TMEM220: variants seen among roughly 807,000 people sequenced by gnomAD.
TMEM220 encodes transmembrane protein 220.
TMEM220 carries 21 observed loss-of-function variants against 21.7 expected under a neutral mutation model. That is an observed-to-expected ratio of 0.97 (90% CI 0.69 to 1.39). The LOEUF is 1.39. TMEM220 is among the 40% of genes most tolerant of loss of function. TMEM220 has a pLI of 0.00. For missense variants in TMEM220, 191 were observed against 201.9 expected (o/e 0.95, Z 0.33); for synonymous variants, 80 against 73.6 (o/e 1.09, Z -0.45).
intron 5 of TMEM220, among the ~76,000 whole-genome samples, chr17:10,720,965 T>C (rs1258803232): frequency 2.6e-5 from 4 of 152,232 alleles, no homozygotes; most frequent in African/African-American, 9.6e-5. Context: ...TAATAAGAAC[T>C]GGTACCTCTG....
rs2074876333 is a variant in TMEM220 at position 10,713,935 on chromosome 17, A to G, written c.*1518T>C. On this transcript the variant is annotated 3_prime_UTR_variant, in exon 6 of 6. Coordinates refer to ENST00000341871, the MANE Select transcript of TMEM220 (RefSeq NM_001004313.3). ...ACTACTCGTTCTTTTTGAGTGAAGT[A>G]TTTCCCAGATCTCTTTCCTAGATCA... 1 of 152,308 alleles carries G rather than the reference A, an allele frequency of 6.6e-6. No homozygotes were observed. The highest frequency in any genetic ancestry group is 2.1e-4 in the South Asian group (1 of 4,830). 9.4% of individuals were successfully genotyped at this position (152,308 alleles called of 1,614,324 possible).
Position 10,715,511 on chromosome 17 carries a change from A to G in TMEM220, c.425T>C (p.Ile142Thr). 5.0e-6 allele frequency: 8 copies of G among 1,606,620 alleles called. No individual in the cohort carries two copies. Among genetic ancestry groups the G allele is most frequent in the Non-Finnish European group, 6.8e-6 (8 of 1,178,340 alleles). Residue 142 changes from isoleucine (I) to threonine (T), a missense_variant, in exon 6 of 6, where the codon ATA becomes ACA. Physicochemically the swap from Ile to Thr is moderately conservative, Grantham distance 89 (BLOSUM62 -1). Transcript: ENST00000341871. ...GGACCGCATTTCCTTGTTAATATAT[A>G]TGTAGACCCATGAGATAAATGGGAA... is the stretch of plus-strand genomic sequence containing the variant. ...TLFPFISWVY[I>T]YINKEMRSSW... is the part of the protein sequence containing the mutation.
rs2074898564 is a variant in TMEM220 at position 10,715,308 on chromosome 17, G to A, written c.*145C>T. On this transcript the variant is annotated 3_prime_UTR_variant, in exon 6 of 6. Transcript: ENST00000341871. ...TACTTGTCCCATCCAATCTTACATC[G>A]AATTATATGCACCCTTAAAAAGTTA... 1.5e-5 allele frequency: 10 copies of A among 665,218 alleles called. No individual in the cohort carries two copies. The highest frequency in any genetic ancestry group is 6.4e-5 in the East Asian group (2 of 31,368). 41.2% of individuals were successfully genotyped at this position (665,218 alleles called of 1,614,324 possible). A position where few individuals can be genotyped will look rare whatever the true frequency, so the allele number is the denominator to read the frequency against.
At chr17:10,728,433 C>CT (rs949607319) in intron 2 of TMEM220, among the ~76,000 whole-genome samples, 1 of 151,752 alleles carries the variant, frequency 6.6e-6, no homozygotes, top group Non-Finnish European at 1.5e-5. Context: ...TTCAGCTTCC[C>CT]TAGTAGCTGG....
chr17:10,712,611 G>C (rs758584919), downstream of TMEM220, among the ~76,000 whole-genome samples: 20 of 152,188 alleles, frequency 1.3e-4, no homozygotes, highest in Admixed American at 4.6e-4. Context: ...ATTTAATTTT[G>C]TTCGAAGGGA....
At chr17:10,723,405 C>G (rs1273824658) in intron 4 of TMEM220, 76 bp from the exon 5 acceptor site, 13 of 1,039,896 alleles carry the variant, frequency 1.3e-5, no homozygotes, top group Non-Finnish European at 1.8e-5. Flanking sequence ...TCTCCATGAC[C>G]ACCTGATAGC....
At chr17:10,724,651 A>G in intron 4 of TMEM220, 1 of 189,338 alleles carries the variant, frequency 5.3e-6, no homozygotes, top group Non-Finnish European at 1.1e-5. Flanking sequence ...GGCTTAAACC[A>G]GAACTGAATT....
chr17:10,712,749 G>A (rs1687976015), downstream of TMEM220, among the ~76,000 whole-genome samples: 1 of 152,216 alleles, frequency 6.6e-6, no homozygotes, highest in Non-Finnish European at 1.5e-5. Flanking sequence ...ATGCTGTGAC[G>A]ATTCACCAGA....
At chr17:10,719,193 A>G (rs1435196241) in intron 5 of TMEM220, among the ~76,000 whole-genome samples, 1 of 152,224 alleles carries the variant, frequency 6.6e-6, no homozygotes, top group Admixed American at 6.5e-5. Flanking sequence ...TGAGATAACC[A>G]GATAGCCACA....
chr17:10,729,578 AT>A (rs2075097340), intron 1 of TMEM220, among the ~76,000 whole-genome samples: 1 of 152,096 alleles, frequency 6.6e-6, no homozygotes, highest in Non-Finnish European at 1.5e-5. Flanking sequence ...GAGCCCTGGT[AT>A]GGGACTCGCT....
intron 5 of TMEM220, among the ~76,000 whole-genome samples, chr17:10,719,265 C>CTATT (rs967895333): frequency 1.3e-5 from 2 of 152,030 alleles, no homozygotes; most frequent in Non-Finnish European, 1.5e-5. Context: ...TTCTATCTAT[C>CTATT]TATTTATTTA....
Position 10,714,765 on chromosome 17 carries a change from A to G in TMEM220, c.*688T>C, listed in dbSNP as rs1056575725. 6.6e-6 allele frequency: 1 copy of G among 152,110 alleles called. No homozygotes were observed. Among genetic ancestry groups the G allele is most frequent in the Non-Finnish European group, 1.5e-5 (1 of 68,076 alleles). The allele number at this position is 152,110 out of a possible 1,614,324, so 9.4% of individuals were successfully genotyped here. Reference sequence around the variant, plus strand: ...AAACCCTGCCTCTACAAAAAATTTAAAAAAATTTAGCCGGGCATGGTGGTG... The same window carrying G: ...AAACCCTGCCTCTACAAAAAATTTAGAAAAATTTAGCCGGGCATGGTGGTG... On this transcript the variant is annotated 3_prime_UTR_variant, in exon 6 of 6. Transcript: ENST00000341871.
chr17:10,716,300 CTT>C (rs759314995), intron 5 of TMEM220: 13 of 664,726 alleles, frequency 2.0e-5, no homozygotes, highest in Non-Finnish European at 3.4e-5. Context: ...GCATCATCCT[CTT>C]TGGTAATTTC....
chr17:10,717,389 G>T (rs1209958739), intron 5 of TMEM220, among the ~76,000 whole-genome samples: 1 of 152,154 alleles, frequency 6.6e-6, no homozygotes, highest in Non-Finnish European at 1.5e-5. Context: ...AATGGATGCT[G>T]AATTTTATGA....
At chr17:10,724,319 T>G (rs1433031264) in intron 4 of TMEM220, 1 of 152,358 alleles carries the variant, frequency 6.6e-6, no homozygotes, top group Non-Finnish European at 1.5e-5. Context: ...CGGTGGCTCA[T>G]GCCTGTAATC....
chr17:10,716,921 A>G (rs1011393718), intron 5 of TMEM220, among the ~76,000 whole-genome samples: 2 of 152,160 alleles, frequency 1.3e-5, no homozygotes, highest in Admixed American at 6.5e-5. Flanking sequence ...TATCTCTGCT[A>G]GATTTATTCC....
intron 2 of TMEM220, 49 bp from the exon 3 acceptor site, chr17:10,726,313 T>C (rs2075048703): frequency 2.1e-6 from 3 of 1,405,024 alleles, no homozygotes; most frequent in African/African-American, 1.4e-5. Flanking sequence ...GTATGCCCAA[T>C]ATATGAGATG....
intron 2 of TMEM220, 93 bp from the exon 3 acceptor site, chr17:10,726,357 C>A (rs942915947): frequency 4.8e-6 from 5 of 1,036,518 alleles, no homozygotes; most frequent in African/African-American, 4.7e-5. Context: ...AAGATGAGAT[C>A]AGTGGCTGCT....
chr17:10,711,320 C>T (rs118080120), downstream of TMEM220: 2 of 630,658 alleles, frequency 3.2e-6, no homozygotes, highest in Non-Finnish European at 5.3e-6. Flanking sequence ...ATCATGTATC[C>T]ATTGTAAGTT....
Sources: allele counts gnomAD v4.1 joint callset (sites outside exome capture counted in the v4.1 genomes callset), GRCh38; gene constraint gnomAD v4.1.1; transcripts MANE v1.5; gene names NCBI Gene and HGNC (gene_info 2026-07-23, HGNC 2026-07-21).